Variants in CHTF8 observed in about 807,000 individuals in gnomAD.
CHTF8 encodes the protein chromosome transmission fidelity protein 8 homolog.
A neutral mutation model predicts 11.0 loss-of-function variants in CHTF8; 6 were observed. That is an observed-to-expected ratio of 0.55 (90% CI 0.30 to 1.08). The LOEUF (loss-of-function observed/expected upper bound fraction) is 1.08. CHTF8 is among the 50% of genes least tolerant of loss of function. The probability of loss-of-function intolerance (pLI) is 0.07; values close to 1 mark genes in which losing one functional copy is unlikely to be tolerated. For synonymous variants in CHTF8, 53 were observed against 60.5 expected (o/e 0.88, Z 0.57); for missense variants, 140 against 153.1 (o/e 0.91, Z 0.45).
intron 1 of CHTF8, among the ~76,000 whole-genome samples, chr16:69,126,974 C>A (rs143071318): frequency 1.3e-5 from 2 of 152,018 alleles, no homozygotes; most frequent in Non-Finnish European, 2.9e-5. Context: ...AGGCCGGGCG[C>A]GGTGGCTCAT....
intron 1 of CHTF8, among the ~76,000 whole-genome samples, chr16:69,125,124 G>C (rs770868120): frequency 2.6e-4 from 39 of 152,120 alleles, no homozygotes; most frequent in Non-Finnish European, 4.9e-4. Flanking sequence ...GGCTGGTCTC[G>C]AACTCCCAAC....
At chr16:69,128,358 T>C (rs563501250) in intron 1 of CHTF8, among the ~76,000 whole-genome samples, 6 of 152,324 alleles carry the variant, frequency 3.9e-5, no homozygotes, top group Non-Finnish European at 7.3e-5. Context: ...AGATTTAAAT[T>C]CATTATATTA....
chr16:69,121,814 C>T (rs1365652137), intron 1 of CHTF8, among the ~76,000 whole-genome samples: 1 of 152,090 alleles, frequency 6.6e-6, no homozygotes, highest in Admixed American at 6.5e-5. Flanking sequence ...ACTACAGGTG[C>T]CCGCCACCAC....
At position 69,128,654 on chromosome 16, in the gene CHTF8, C is replaced by T. The variant is rs28657430; in HGVS notation, c.-36+3830G>A. On this transcript the variant is annotated intron_variant, in intron 1 of 3. Coordinates refer to ENST00000448552, the MANE Select transcript of CHTF8 (RefSeq NM_001039690.5). Reference sequence around the variant, plus strand: ...CAGCATTCAAAGAATCAATCCTGACCCACAATGGGAACCCTACCCAAAACT... The same window carrying T: ...CAGCATTCAAAGAATCAATCCTGACTCACAATGGGAACCCTACCCAAAACT... 1.9e-3 allele frequency among the ~76,000 whole-genome samples: 291 copies of T among 152,288 alleles called. 1 individual carries two copies. Among genetic ancestry groups the T allele is most frequent in the African/African-American group, 6.6e-3 (275 of 41,564 alleles).
Position 69,118,162 on chromosome 16 carries a change from AGTTT to A in CHTF8, c.*2259_*2262del. On this transcript the variant is annotated 3_prime_UTR_variant, in exon 4 of 4. Coordinates refer to ENST00000448552, the MANE Select transcript of CHTF8 (RefSeq NM_001039690.5). The stretch of plus-strand genomic sequence containing the variant: ...TAATTCCCATATTCCCATCCACATC[AGTTT>A]AAATTTTGAGGTTCTTTGATTGATT... 1 of 505,508 alleles carries A rather than the reference AGTTT, an allele frequency of 2.0e-6. No homozygotes were observed. Among genetic ancestry groups the A allele is most frequent in the East Asian group, 3.3e-5 (1 of 29,898 alleles). 31.3% of individuals were successfully genotyped at this position (505,508 alleles called of 1,614,324 possible). A position where few individuals can be genotyped will look rare whatever the true frequency, so the allele number is the denominator to read the frequency against.
At chr16:69,127,098 C>T (rs866934520) in intron 1 of CHTF8, among the ~76,000 whole-genome samples, 1 of 151,992 alleles carries the variant, frequency 6.6e-6, no homozygotes, top group African/African-American at 2.4e-5. Flanking sequence ...ATTAGCCGCG[C>T]GTGGTGGCGG....
At chr16:69,127,545 G>C (rs922393442) in intron 1 of CHTF8, among the ~76,000 whole-genome samples, 1 of 150,866 alleles carries the variant, frequency 6.6e-6, no homozygotes, top group African/African-American at 2.4e-5. Flanking sequence ...TGATGAATAC[G>C]CTATACATGA....
chr16:69,131,887 T>G (rs1962553808), intron 1 of CHTF8, among the ~76,000 whole-genome samples: 1 of 151,148 alleles, frequency 6.6e-6, no homozygotes, highest in Non-Finnish European at 1.5e-5. Context: ...CCAACCACCC[T>G]TCCAATTACC....
chr16:69,127,904 C>T (rs1187194995), intron 1 of CHTF8, among the ~76,000 whole-genome samples: 1 of 151,328 alleles, frequency 6.6e-6, no homozygotes, highest in East Asian at 1.9e-4. Context: ...ACCACCGTGC[C>T]CGGCCAAATT....
chr16:69,124,287 G>A (rs535868505), intron 1 of CHTF8, among the ~76,000 whole-genome samples: 1 of 152,236 alleles, frequency 6.6e-6, no homozygotes, highest in South Asian at 2.1e-4. Context: ...TACAGCTTCT[G>A]GCTAAGTACT....
In CHTF8 at chr16:69,121,070, G is replaced by A; in HGVS notation, c.124C>T (p.Leu42=). The A allele has an allele frequency of 6.2e-7, 1 of 1,613,948 alleles. No homozygotes were observed. Among genetic ancestry groups the A allele is most frequent in the Non-Finnish European group, 8.5e-7 (1 of 1,179,846 alleles). ...CCCCTCACCTCAGTGGTGTAATGTA[G>A]GTCTCCCAGGAGGTTTCCAGCTAAT... ...TGLAGNLLGD[L]HYTTEGIPVL... is the part of the protein sequence containing the mutation. Residue 42 remains leucine, a synonymous_variant, in exon 3 of 4, where the codon CTA becomes TTA. Transcript: ENST00000448552.
chr16:69,129,281 T>A (rs1273883470), intron 1 of CHTF8, among the ~76,000 whole-genome samples: 1 of 151,238 alleles, frequency 6.6e-6, no homozygotes, highest in Non-Finnish European at 1.5e-5. Context: ...ATACAAAAAA[T>A]TAGCCGGGCG....
Position 69,119,321 on chromosome 16 carries a change from C to T in CHTF8, c.*1104G>A. 1.4e-6 allele frequency: 1 copy of T among 703,094 alleles called. No homozygotes were observed. The highest frequency in any genetic ancestry group is 2.6e-6 in the Non-Finnish European group (1 of 385,036). 43.6% of individuals were successfully genotyped at this position (703,094 alleles called of 1,614,324 possible). A position where few individuals can be genotyped will look rare whatever the true frequency, so the allele number is the denominator to read the frequency against. On this transcript the variant is annotated 3_prime_UTR_variant, in exon 4 of 4. Coordinates refer to ENST00000448552, the MANE Select transcript of CHTF8 (RefSeq NM_001039690.5). ...AATGTGCCAGAAGACTGAGAAAAGGCAGATGAACCTGCTCCCCTGGGAAAG... is the reference window on the plus strand; with the variant it reads ...AATGTGCCAGAAGACTGAGAAAAGGTAGATGAACCTGCTCCCCTGGGAAAG...
chr16:69,118,646 T>A lies in CHTF8; in HGVS notation c.*1779A>T. On this transcript the variant is annotated 3_prime_UTR_variant, in exon 4 of 4. Coordinates refer to ENST00000448552, the MANE Select transcript of CHTF8 (RefSeq NM_001039690.5). Reference sequence around the variant, plus strand: ...GAGATCCTTTCTCTCAAGGGCAGGATTATTCCCACCTGCCACAGTTCACAT... The same window carrying A: ...GAGATCCTTTCTCTCAAGGGCAGGAATATTCCCACCTGCCACAGTTCACAT... The A allele has an allele frequency of 1.4e-6, 1 of 697,416 alleles. No homozygotes were observed. The highest frequency in any genetic ancestry group is 2.6e-6 in the Non-Finnish European group (1 of 381,748). The allele number at this position is 697,416 out of a possible 1,614,324, so 43.2% of individuals were successfully genotyped here.
Position 69,119,775 on chromosome 16 carries a change from T to C in CHTF8, c.*650A>G. The C allele has an allele frequency of 1.4e-6, 1 of 699,332 alleles. No homozygotes were observed. Among genetic ancestry groups the C allele is most frequent in the South Asian group, 1.5e-5 (1 of 67,498 alleles). 43.3% of individuals were successfully genotyped at this position (699,332 alleles called of 1,614,324 possible). A position where few individuals can be genotyped will look rare whatever the true frequency, so the allele number is the denominator to read the frequency against. On this transcript the variant is annotated 3_prime_UTR_variant, in exon 4 of 4. Transcript: ENST00000448552. ...CTGACCTGGGGGCAGGGTTTGTCCC[T>C]AAAAAGCCTGATCTCAGATTGGGGT...
rs1962629957 is a variant in CHTF8, at chr16:69,132,504, C to G, written c.-56G>C. On this transcript the variant is annotated 5_prime_UTR_variant, in exon 1 of 4. Coordinates refer to ENST00000448552, the MANE Select transcript of CHTF8 (RefSeq NM_001039690.5). ...CTGACCTGCAATGGCGGCCGCCGAG[C>G]GCGGCGCCGCGCGGCCAACGGGCGA... 2 of 275,662 alleles carry G rather than the reference C, an allele frequency of 7.3e-6. No homozygotes were observed. Among genetic ancestry groups the G allele is most frequent in the African/African-American group, 2.4e-5 (1 of 41,962 alleles). 17.1% of individuals were successfully genotyped at this position (275,662 alleles called of 1,614,324 possible). A position where few individuals can be genotyped will look rare whatever the true frequency, so the allele number is the denominator to read the frequency against.
In CHTF8 at chr16:69,118,736, T is replaced by G; in HGVS notation, c.*1689A>C. The G allele has an allele frequency of 1.6e-6, 1 of 640,218 alleles. No homozygotes were observed. Among genetic ancestry groups the G allele is most frequent in the Non-Finnish European group, 2.8e-6 (1 of 357,020 alleles). The allele number at this position is 640,218 out of a possible 1,614,324, so 39.7% of individuals were successfully genotyped here. On this transcript the variant is annotated 3_prime_UTR_variant, in exon 4 of 4. Transcript: ENST00000448552. Reference sequence around the variant, plus strand: ...AAGGAAAAAGATGGCTCATTTGAACTTGAGCCCAAGCTATGTTCTTCAGAC... The same window carrying G: ...AAGGAAAAAGATGGCTCATTTGAACGTGAGCCCAAGCTATGTTCTTCAGAC...
At chr16:69,123,839 G>C (rs1280660323) in intron 1 of CHTF8, among the ~76,000 whole-genome samples, 1 of 146,962 alleles carries the variant, frequency 6.8e-6, no homozygotes, top group African/African-American at 2.5e-5. Flanking sequence ...TGCAATTCCA[G>C]AACTTTGGGA....
At position 69,120,245 on chromosome 16, in the gene CHTF8, G is replaced by C. The variant is rs866978671; in HGVS notation, c.*180C>G. 1 of 713,606 alleles carries C rather than the reference G, an allele frequency of 1.4e-6. No individual in the cohort carries two copies. The highest frequency in any genetic ancestry group is 2.6e-4 in the Middle Eastern group (1 of 3,886). 44.2% of individuals were successfully genotyped at this position (713,606 alleles called of 1,614,324 possible). A position where few individuals can be genotyped will look rare whatever the true frequency, so the allele number is the denominator to read the frequency against. On this transcript the variant is annotated 3_prime_UTR_variant, in exon 4 of 4. Transcript: ENST00000448552. The surrounding 1 kb of genome is among the most constrained non-coding windows in gnomAD (Gnocchi z 4.0). ...GATGGGTTCCTTGGAAATGGGGTCA[G>C]ATTTCCACCAAGAGAACCGGCCGCC...
Sources: allele counts gnomAD v4.1 joint callset (sites outside exome capture counted in the v4.1 genomes callset), GRCh38; gene constraint gnomAD v4.1.1; non-coding constraint Gnocchi (gnomAD v3.1); transcripts MANE v1.5; gene names NCBI Gene and HGNC (gene_info 2026-07-23, HGNC 2026-07-21).